Variants in BPTF observed in about 807,000 individuals in gnomAD.
BPTF encodes the protein bromodomain PHD finger transcription factor, also known as nucleosome-remodeling factor subunit BPTF.
BPTF carries 18 observed loss-of-function variants against 292.5 expected under a neutral mutation model. The ratio of observed to expected loss-of-function variants is 0.06; its 90% CI spans 0.04 to 0.09. BPTF has a LOEUF of 0.09. Ranked by LOEUF, BPTF falls within the 10% of genes least tolerant of loss-of-function variation. The pLI, the probability that BPTF is intolerant of heterozygous loss-of-function variation, is 1.00. For synonymous variants in BPTF, 1,225 were observed against 1,251.9 expected (o/e 0.98, Z 0.45); for missense variants, 2,726 against 3,498.7 (o/e 0.78, Z 5.57).
rs1221427971 is a variant in BPTF at position 67,982,555 on chromosome 17, AAAAAAG to A, written c.*277_*282del. The A allele has an allele frequency of 1.8e-5, 6 of 339,704 alleles. No homozygotes were observed. The highest frequency in any genetic ancestry group is 9.5e-5 in the Admixed American group (2 of 20,988). 21.0% of individuals were successfully genotyped at this position (339,704 alleles called of 1,614,324 possible). A position where few individuals can be genotyped will look rare whatever the true frequency, so the allele number is the denominator to read the frequency against. ...AGCGAGAAAACTTTGTTTATTGAAA[AAAAAAG>A]AAAAAGAAAGCAAGAAAAAAAGATA... On this transcript the variant is annotated 3_prime_UTR_variant, in exon 28 of 28. Transcript: ENST00000306378.
At chr17:67,831,665 G>A (rs1399186139) in intron 1 of BPTF, among the ~76,000 whole-genome samples, 1 of 152,072 alleles carries the variant, frequency 6.6e-6, no homozygotes, top group Non-Finnish European at 1.5e-5. Context: ...GAGACATGGG[G>A]GTGAGAGACT....
At chr17:67,940,683 T>C (rs1555671575) in intron 19 of BPTF, 27 bp downstream of exon 19, 1 of 1,586,112 alleles carries the variant, frequency 6.3e-7, no homozygotes, top group African/African-American at 1.3e-5. Context: ...TTATTTTAAC[T>C]TTAGAGGTGA....
At chr17:67,921,400 C>T (rs914987317) in intron 13 of BPTF, among the ~76,000 whole-genome samples, 3 of 151,752 alleles carry the variant, frequency 2.0e-5, no homozygotes, top group Non-Finnish European at 1.5e-5. Context: ...GTGGTACACA[C>T]GTGTAGTCCC....
intron 2 of BPTF, among the ~76,000 whole-genome samples, chr17:67,858,035 C>A (rs2058824271): frequency 6.6e-6 from 1 of 152,016 alleles, no homozygotes; most frequent in Admixed American, 6.5e-5. Flanking sequence ...ATCCGCCCAC[C>A]TCAGCCTCCC....
At chr17:67,920,843 G>T (rs998024117) in intron 13 of BPTF, among the ~76,000 whole-genome samples, 1 of 151,998 alleles carries the variant, frequency 6.6e-6, no homozygotes, top group Non-Finnish European at 1.5e-5. Context: ...GTAGTATCCA[G>T]ATTGAAAATA....
At chr17:67,922,275 C>T (rs2063504824) in intron 13 of BPTF, among the ~76,000 whole-genome samples, 1 of 152,164 alleles carries the variant, frequency 6.6e-6, no homozygotes, top group Non-Finnish European at 1.5e-5. Flanking sequence ...TGGGAAGGTT[C>T]AATGCTTGTC....
chr17:67,861,913 C>T (rs1567923592), intron 2 of BPTF, among the ~76,000 whole-genome samples: 4 of 152,170 alleles, frequency 2.6e-5, no homozygotes, highest in Non-Finnish European at 5.9e-5. Flanking sequence ...TTTCCCTGAA[C>T]CCCTTTTTCT....
chr17:67,973,249 C>T (rs1375419246), intron 26 of BPTF, among the ~76,000 whole-genome samples: 8 of 150,408 alleles, frequency 5.3e-5, no homozygotes, highest in African/African-American at 1.9e-4. Context: ...TGGCAGATGC[C>T]TGTAGTCCTA....
At chr17:67,868,892 A>G (rs949914386) in intron 3 of BPTF, among the ~76,000 whole-genome samples, 1 of 152,206 alleles carries the variant, frequency 6.6e-6, no homozygotes, top group African/African-American at 2.4e-5. Flanking sequence ...TTCAGAAAAA[A>G]GCATTCTTAG....
chr17:67,870,370 G>A (rs986495081), intron 3 of BPTF, among the ~76,000 whole-genome samples: 3 of 151,282 alleles, frequency 2.0e-5, no homozygotes, highest in African/African-American at 7.3e-5. Flanking sequence ...GGACATTTTT[G>A]GGTGCCTCCT....
intron 2 of BPTF, among the ~76,000 whole-genome samples, chr17:67,862,427 A>G (rs1438422363): frequency 6.6e-6 from 1 of 152,194 alleles, no homozygotes; most frequent in Non-Finnish European, 1.5e-5. Flanking sequence ...CTTCCAGGAT[A>G]TGTACCGTCA....
Position 67,854,882 on chromosome 17 carries a change from A to G in BPTF, c.1436+120A>G. On this transcript the variant is annotated intron_variant, in intron 2 of 27. Coordinates refer to ENST00000306378, the MANE Select transcript of BPTF (RefSeq NM_182641.4). The surrounding 1 kb of genome is among the most constrained non-coding windows in gnomAD (Gnocchi z 5.6). ...TAAACCTTTGTAACTTAATAGTTAT[A>G]CAGTTAAATAATTTCTTAATTGAAG... The G allele has an allele frequency of 1.5e-6, 1 of 680,668 alleles. No homozygotes were observed. The highest frequency in any genetic ancestry group is 2.4e-6 in the Non-Finnish European group (1 of 409,384). The allele number at this position is 680,668 out of a possible 1,614,324, so 42.2% of individuals were successfully genotyped here.
chr17:67,847,512 TAAAA>T (rs762923694), intron 1 of BPTF, among the ~76,000 whole-genome samples: 1 of 135,552 alleles, frequency 7.4e-6, no homozygotes, highest in African/African-American at 2.7e-5. Context: ...AGACTCCGTC[TAAAA>T]AAAAAAAAAA....
intron 2 of BPTF, among the ~76,000 whole-genome samples, chr17:67,860,551 C>A (rs1214083544): frequency 1.3e-5 from 2 of 152,324 alleles, no homozygotes; most frequent in Non-Finnish European, 2.9e-5. Context: ...GCATATAACT[C>A]AGAGGCCAGT....
intron 3 of BPTF, among the ~76,000 whole-genome samples, chr17:67,871,772 T>G (rs950637629): frequency 6.6e-6 from 1 of 152,168 alleles, no homozygotes; most frequent in African/African-American, 2.4e-5. Flanking sequence ...CCTTTAATGT[T>G]TTTCTCTCTG....
chr17:67,889,390 C>G (rs1733998213), intron 4 of BPTF, among the ~76,000 whole-genome samples: 1 of 152,172 alleles, frequency 6.6e-6, no homozygotes, highest in African/African-American at 2.4e-5. Context: ...AGCACTGTGT[C>G]ATTCTCTTTC....
At chr17:67,979,345 G>A (rs1458309023) in intron 27 of BPTF, among the ~76,000 whole-genome samples, 2 of 151,300 alleles carry the variant, frequency 1.3e-5, no homozygotes, top group African/African-American at 2.4e-5. Context: ...ATCAGGAGTC[G>A]AGACCAGCCT....
intron 4 of BPTF, chr17:67,875,465 G>T: frequency 9.8e-7 from 1 of 1,025,122 alleles, no homozygotes; most frequent in South Asian, 3.1e-5. Flanking sequence ...CAGGTTTTTT[G>T]TGATTATTTA....
chr17:67,939,845 A>G (rs890330675), intron 18 of BPTF, among the ~76,000 whole-genome samples: 1 of 152,152 alleles, frequency 6.6e-6, no homozygotes, highest in Non-Finnish European at 1.5e-5. Context: ...ACGCCACCGC[A>G]CTCCAGCCTG....
Sources: gnomAD v4.1 joint callset for allele counts (sites outside exome capture counted in the v4.1 genomes callset) on GRCh38, gnomAD v4.1.1 for gene constraint, Gnocchi (gnomAD v3.1) non-coding constraint, MANE v1.5 for transcripts, NCBI Gene and HGNC (gene_info 2026-07-23, HGNC 2026-07-21) for gene names.